The following MYH14 variants were observed in gnomAD, a reference collection of about 807,000 sequenced individuals.
MYH14 encodes the protein myosin heavy chain 14.
Under a neutral mutation model 255.5 loss-of-function variants are expected in MYH14, and 123 were observed. The ratio of observed to expected loss-of-function variants is 0.48; its 90% CI spans 0.42 to 0.56. MYH14 has a LOEUF of 0.56. Among genes scored for constraint, MYH14 ranks in the 20% least tolerant of loss-of-function variants. MYH14 has a pLI of 0.00. For synonymous variants in MYH14, 1,095 were observed against 1,161.2 expected (o/e 0.94, Z 1.16); for missense variants, 2,423 against 2,802.3 (o/e 0.86, Z 3.06).
At chr19:50,271,023 TAC>T (rs2035280294) in intron 24 of MYH14, among the ~76,000 whole-genome samples, 1 of 152,100 alleles carries the variant, frequency 6.6e-6, no homozygotes, top group Non-Finnish European at 1.5e-5. Context: ...TTATAATCTG[TAC>T]CCCTAACCCC....
chr19:50,275,614 G>A lies in MYH14; in HGVS notation c.3468-377G>A, dbSNP rs187358857. On this transcript the variant is annotated intron_variant, in intron 27 of 42. Transcript: ENST00000642316. ...GGCCGAGGTGGGAGGATGACTTGAGGCCAGGAGTTCGAGACCAGCCCTAGG... is the reference window on the plus strand; with the variant it reads ...GGCCGAGGTGGGAGGATGACTTGAGACCAGGAGTTCGAGACCAGCCCTAGG... Among the ~76,000 whole-genome samples the A allele has an allele frequency of 1.1e-4, 16 of 152,250 alleles. No homozygotes were observed. The East Asian group carries it at 2.5e-3, about 24-fold the overall frequency.
intron 34 of MYH14, among the ~76,000 whole-genome samples, chr19:50,288,264 A>T (rs1298873235): frequency 6.6e-6 from 1 of 152,216 alleles, no homozygotes; most frequent in South Asian, 2.1e-4. Context: ...TTTCCCAACA[A>T]CGTGCTTCTA....
At chr19:50,245,333 T>G (rs1000034809) in intron 11 of MYH14, among the ~76,000 whole-genome samples, 1 of 150,034 alleles carries the variant, frequency 6.7e-6, no homozygotes, top group African/African-American at 2.5e-5. Context: ...GCAGGAGAAT[T>G]GCTTGAACCC....
intron 40 of MYH14, 34 bp downstream of exon 40, chr19:50,301,903 A>T (rs1428234241): frequency 1.1e-5 from 17 of 1,527,956 alleles, no homozygotes; most frequent in Non-Finnish European, 1.3e-5. Context: ...GAGAAAGGTG[A>T]CCTCCACATT....
intron 13 of MYH14, 166 bp from the exon 14 acceptor site, chr19:50,249,484 T>TGTCTCTGGGTCTCTGTCCCCC: frequency 1.4e-6 from 1 of 717,984 alleles, no homozygotes. Flanking sequence ...CTCTGTCCCC[T>TGTCTCTGGGTCTCTGTCCCCC]GTCTCTGGGT....
intron 24 of MYH14, among the ~76,000 whole-genome samples, chr19:50,270,443 C>T (rs1440064569): frequency 6.6e-6 from 1 of 150,664 alleles, no homozygotes; most frequent in African/African-American, 2.4e-5. Flanking sequence ...TCACTTGAAC[C>T]CCGGGAGGTG....
At chr19:50,244,793 T>G (rs188366711) in intron 11 of MYH14, among the ~76,000 whole-genome samples, 1 of 152,238 alleles carries the variant, frequency 6.6e-6, no homozygotes, top group East Asian at 1.9e-4. Context: ...GATTTCCTGC[T>G]TTTTGCTGAG....
chr19:50,244,132 G>A (rs959686547), intron 10 of MYH14, 110 bp from the exon 11 acceptor site: 8 of 829,342 alleles, frequency 9.6e-6, no homozygotes, highest in Non-Finnish European at 1.6e-5. Flanking sequence ...TAAGCTGAGG[G>A]GTGGTGATAT....
At chr19:50,206,748 C>G (rs886618476) in intron 1 of MYH14, among the ~76,000 whole-genome samples, 2 of 152,016 alleles carry the variant, frequency 1.3e-5, no homozygotes, top group Admixed American at 1.3e-4. Flanking sequence ...GCCTCCAGGG[C>G]AGCTGGGCGT....
At chr19:50,255,913 G>A (rs899038066) in intron 17 of MYH14, among the ~76,000 whole-genome samples, 1 of 150,592 alleles carries the variant, frequency 6.6e-6, no homozygotes, top group African/African-American at 2.4e-5. Context: ...GCGCTTGAAT[G>A]GGATGAGTTT....
intron 24 of MYH14, 77 bp downstream of exon 24, chr19:50,268,444 C>A (rs902726554): frequency 2.1e-6 from 3 of 1,438,034 alleles, no homozygotes; most frequent in Middle Eastern, 1.9e-4. Context: ...TTCTACAAAC[C>A]GTGTGTCTTT....
In MYH14 at chr19:50,291,036, T is replaced by C. The variant is rs1250844382; in HGVS notation, c.5115T>C (p.Leu1705=). The C allele has an allele frequency of 6.2e-7, 1 of 1,612,952 alleles. No individual in the cohort carries two copies. Among genetic ancestry groups the C allele is most frequent in the Non-Finnish European group, 8.5e-7 (1 of 1,179,660 alleles). ...GQGKEEAVKQ[L]RKMQAQMKEL... is the part of the protein sequence containing the mutation. ...GCAAGGAGGAGGCGGTGAAGCAGCT[T>C]CGCAAGATGCAGGTAAGAGCCGGCG... Residue 1705 remains leucine, a synonymous_variant, in exon 36 of 43, where the codon CTT becomes CTC. Transcript: ENST00000642316.
At chr19:50,236,688 T>A (rs113631987) in intron 10 of MYH14, among the ~76,000 whole-genome samples, 15,035 of 151,810 alleles carry the variant, frequency 0.099, 1,258 homozygotes, top group African/African-American at 0.22. Context: ...AGCCTGGGTG[T>A]CAGAGCAAGA....
chr19:50,251,519 AC>A (rs1190293173), intron 15 of MYH14, among the ~76,000 whole-genome samples: 12 of 18,586 alleles, frequency 6.5e-4, no homozygotes, highest in African/African-American at 1.2e-3. Flanking sequence ...ATATATACAC[AC>A]TACACACACA....
chr19:50,302,011 C>T (rs1405125369), intron 40 of MYH14, 142 bp downstream of exon 40: 2 of 697,472 alleles, frequency 2.9e-6, no homozygotes, highest in Non-Finnish European at 4.7e-6. Flanking sequence ...GGCATGGTGG[C>T]TCACGCCTGT....
Position 50,250,622 on chromosome 19 carries a change from C to T in MYH14, c.1764C>T (p.Pro588=). Residue 588 remains proline, a synonymous_variant, in exon 15 of 43, where the codon CCC becomes CCT. Transcript: ENST00000642316. The surrounding 1 kb of genome is among the most constrained non-coding windows in gnomAD (Gnocchi z 5.4). ...EKVAQEQGGH[P]KFQRPRHLRD... is the part of the protein sequence containing the mutation. ...TAGCCCAGGAGCAGGGCGGCCACCC[C>T]AAGTTCCAGCGGCCGAGGCACCTGC... The T allele has an allele frequency of 1.2e-6, 2 of 1,614,002 alleles. No individual in the cohort carries two copies. The highest frequency in any genetic ancestry group is 1.1e-5 in the South Asian group (1 of 91,086).
At chr19:50,234,735 C>T (rs1451559132) in intron 10 of MYH14, among the ~76,000 whole-genome samples, 3 of 152,188 alleles carry the variant, frequency 2.0e-5, no homozygotes, top group African/African-American at 7.2e-5. Flanking sequence ...ACCATGAGCT[C>T]ATGTGACCCT....
In MYH14 at chr19:50,250,756, G is replaced by T. The variant is rs187402466; in HGVS notation, c.1830+68G>T. On this transcript the variant is annotated intron_variant, in intron 15 of 42. Coordinates refer to ENST00000642316, the MANE Select transcript of MYH14 (RefSeq NM_001145809.2). This position sits in a 1 kb window ranked among gnomAD's most constrained non-coding sequence, Gnocchi z 5.4. ...CAAGGGATCTCCACTGGCTACAGATGGGGGGAGGGTGCAGAGGGAAAACAG... is the reference window on the plus strand; with the variant it reads ...CAAGGGATCTCCACTGGCTACAGATTGGGGGAGGGTGCAGAGGGAAAACAG... 1.2e-3 allele frequency: 1,830 copies of T among 1,506,184 alleles called. 21 individuals are homozygous for T. The African/African-American group carries it at 0.018, about 15-fold the overall frequency. The allele number at this position is 1,506,184 out of a possible 1,614,324, so 93.3% of individuals were successfully genotyped here. A position where few individuals can be genotyped will look rare whatever the true frequency, so the allele number is the denominator to read the frequency against.
At chr19:50,232,971 CAAG>C (rs2033477698) in intron 10 of MYH14, among the ~76,000 whole-genome samples, 1 of 151,980 alleles carries the variant, frequency 6.6e-6, no homozygotes, top group African/African-American at 2.4e-5. Flanking sequence ...GCTCTGGGAG[CAAG>C]AAGACCCCTT....
Sources: gnomAD v4.1 joint callset for allele counts (sites outside exome capture counted in the v4.1 genomes callset) on GRCh38, gnomAD v4.1.1 for gene constraint, Gnocchi (gnomAD v3.1) non-coding constraint, MANE v1.5 for transcripts, NCBI Gene and HGNC (gene_info 2026-07-23, HGNC 2026-07-21) for gene names.